Variants in PRELID2 observed in about 807,000 individuals in gnomAD.
The protein encoded by PRELID2 is PRELI domain-containing protein 2.
A neutral mutation model predicts 28.4 loss-of-function variants in PRELID2; 25 were observed. That is an observed-to-expected ratio of 0.88 (90% confidence interval 0.64 to 1.23). PRELID2 has a LOEUF of 1.23. Ranked by LOEUF, PRELID2 falls within the 50% of genes most tolerant of loss-of-function variation. The pLI, the probability that PRELID2 is intolerant of heterozygous loss-of-function variation, is 0.00. For missense variants in PRELID2, 201 were observed against 214.4 expected (o/e 0.94, Z 0.39); for synonymous variants, 76 against 71.6 (o/e 1.06, Z -0.31).
chr5:145,717,715 A>G (rs1755881281), intron 1 of PRELID2, among the ~76,000 whole-genome samples: 1 of 150,264 alleles, frequency 6.7e-6, no homozygotes, highest in South Asian at 2.1e-4. Flanking sequence ...CTTCAAATCA[A>G]GTAAGTAAAA....
At chr5:145,571,581 T>C (rs1199588043) in intron 1 of PRELID2, among the ~76,000 whole-genome samples, 1 of 152,214 alleles carries the variant, frequency 6.6e-6, no homozygotes, top group African/African-American at 2.4e-5. Flanking sequence ...CCTGGGAAAA[T>C]CTACCTTCTG....
chr5:145,458,917 G>A, the PRELID2 span, among the ~76,000 whole-genome samples: 1 of 152,222 alleles, frequency 6.6e-6, no homozygotes, highest in East Asian at 1.9e-4. Context: ...CTTAGAAACG[G>A]GTTGAAAAAT....
chr5:145,559,258 G>GAA (rs779927366), intron 1 of PRELID2, among the ~76,000 whole-genome samples: 1 of 88,404 alleles, frequency 1.1e-5, no homozygotes. Flanking sequence ...CATCTCAAAA[G>GAA]AAAAAAAAAA....
At chr5:145,377,243 G>T in the PRELID2 span, among the ~76,000 whole-genome samples, 25 of 152,256 alleles carry the variant, frequency 1.6e-4, no homozygotes, top group East Asian at 4.8e-3. Context: ...TTGCACTGTG[G>T]TCTGACAGAT....
intron 1 of PRELID2, among the ~76,000 whole-genome samples, chr5:145,656,880 A>G (rs1029104270): frequency 1.3e-5 from 2 of 152,128 alleles, no homozygotes; most frequent in African/African-American, 2.4e-5. Flanking sequence ...GTGCACATGT[A>G]CCCTAGAACT....
At chr5:145,588,959 G>A (rs560340317) in intron 1 of PRELID2, among the ~76,000 whole-genome samples, 11 of 152,034 alleles carry the variant, frequency 7.2e-5, no homozygotes, top group Admixed American at 2.6e-4. Context: ...AACTAGAGAA[G>A]ATAAATAAGA....
intron 1 of PRELID2, among the ~76,000 whole-genome samples, chr5:145,592,377 G>T (rs922837552): frequency 4.6e-5 from 7 of 151,876 alleles, no homozygotes; most frequent in Non-Finnish European, 7.4e-5. Flanking sequence ...CCAAGATCAC[G>T]CCACTGCACT....
At chr5:145,526,403 G>C (rs1752605513) in intron 1 of PRELID2, among the ~76,000 whole-genome samples, 1 of 152,076 alleles carries the variant, frequency 6.6e-6, no homozygotes, top group East Asian at 1.9e-4. Flanking sequence ...GTGTCATCGG[G>C]GTCTGGAATG....
At chr5:145,308,414 T>G in the PRELID2 span, among the ~76,000 whole-genome samples, 1 of 152,238 alleles carries the variant, frequency 6.6e-6, no homozygotes, top group Non-Finnish European at 1.5e-5. Flanking sequence ...ACACATTTTT[T>G]ATTGCCTATG....
chr5:145,593,899 A>G (rs1245904669), intron 1 of PRELID2, among the ~76,000 whole-genome samples: 2 of 152,212 alleles, frequency 1.3e-5, no homozygotes, highest in East Asian at 3.8e-4. Flanking sequence ...ACAAAATGAG[A>G]CAATCTGGGA....
the PRELID2 span, among the ~76,000 whole-genome samples, chr5:145,420,295 G>A: frequency 6.6e-6 from 1 of 151,990 alleles, no homozygotes; most frequent in Non-Finnish European, 1.5e-5. Flanking sequence ...TGATGGGGAT[G>A]GCATTGAATC....
the PRELID2 span, chr5:145,381,635 T>A: frequency 6.6e-6 from 1 of 152,452 alleles, no homozygotes; most frequent in Non-Finnish European, 1.5e-5. Flanking sequence ...GCCTTGGTAT[T>A]TGAAACGTCA....
At chr5:145,453,613 C>G in the PRELID2 span, among the ~76,000 whole-genome samples, 1 of 152,120 alleles carries the variant, frequency 6.6e-6, no homozygotes, top group Non-Finnish European at 1.5e-5. Context: ...TATCTCACCC[C>G]TAGACCCCCA....
the PRELID2 span, among the ~76,000 whole-genome samples, chr5:145,295,407 T>A: frequency 6.6e-6 from 1 of 152,150 alleles, no homozygotes; most frequent in Non-Finnish European, 1.5e-5. Context: ...TTCCCAAACA[T>A]AGTTAATTGT....
chr5:145,610,899 C>T (rs1753603635), intron 1 of PRELID2, among the ~76,000 whole-genome samples: 1 of 151,506 alleles, frequency 6.6e-6, no homozygotes, highest in Non-Finnish European at 1.5e-5. Context: ...TAAGAAACCA[C>T]TCTCATATAA....
intron 1 of PRELID2, among the ~76,000 whole-genome samples, chr5:145,661,937 T>G (rs570745429): frequency 6.6e-6 from 1 of 152,240 alleles, no homozygotes; most frequent in African/African-American, 2.4e-5. Flanking sequence ...AAACAGAGCA[T>G]GGCCAAAGGA....
chr5:145,736,292 T>C (rs1365109850), intron 1 of PRELID2, among the ~76,000 whole-genome samples: 1 of 152,178 alleles, frequency 6.6e-6, no homozygotes, highest in Non-Finnish European at 1.5e-5. Context: ...AATGTTTCAA[T>C]TGAGTTCTTT....
intron 1 of PRELID2, among the ~76,000 whole-genome samples, chr5:145,665,985 T>A (rs1561537628): frequency 2.1e-5 from 3 of 141,530 alleles, no homozygotes; most frequent in Admixed American, 6.8e-5. Context: ...TGTCTTTTTT[T>A]TAAAAAAAAA....
intron 6 of PRELID2, among the ~76,000 whole-genome samples, chr5:145,761,580 C>A (rs1757477992): frequency 6.6e-6 from 1 of 152,180 alleles, no homozygotes; most frequent in Admixed American, 6.5e-5. Context: ...TAATTTAGGA[C>A]ACTCAATCAG....
Sources: allele counts gnomAD v4.1 joint callset (sites outside exome capture counted in the v4.1 genomes callset), GRCh38; gene constraint gnomAD v4.1.1; transcripts MANE v1.5; gene names NCBI Gene and HGNC (gene_info 2026-07-23, HGNC 2026-07-21).